Variants in KIZ observed in about 807,000 individuals in gnomAD.
KIZ encodes kizuna centrosomal protein, also known as centrosomal protein kizuna.
A neutral mutation model predicts 79.6 loss-of-function variants in KIZ; 68 were observed. That is an observed-to-expected ratio of 0.85 (90% CI 0.70 to 1.05). The LOEUF is 1.05. KIZ is among the 50% of genes least tolerant of loss of function. KIZ has a pLI of 0.00. For missense variants in KIZ, 797 were observed against 800.4 expected, an observed-to-expected ratio of 1.00 and a Z score of 0.05; for synonymous variants, 280 against 281.8, an observed-to-expected ratio of 0.99 and a Z score of 0.06.
intron 7 of KIZ, among the ~76,000 whole-genome samples, chr20:21,214,276 A>G (rs1016681684): frequency 6.6e-6 from 1 of 152,132 alleles, no homozygotes; most frequent in South Asian, 2.1e-4. Context: ...TAACAAGCAG[A>G]AGAATATTTC....
chr20:21,147,684 G>A (rs1253014611), intron 4 of KIZ, among the ~76,000 whole-genome samples: 1 of 152,180 alleles, frequency 6.6e-6, no homozygotes, highest in Non-Finnish European at 1.5e-5. Context: ...TACCTTCAGA[G>A]TGCTTCTCAG....
intron 6 of KIZ, among the ~76,000 whole-genome samples, chr20:21,164,774 G>C (rs114522757): frequency 0.011 from 1,649 of 151,596 alleles, 32 homozygotes; most frequent in African/African-American, 0.038. Context: ...TTGGCATATA[G>C]TTTTCCAGTA....
rs11288900 is a variant in KIZ, at chr20:21,210,762, C to CT, written c.1447-3761dup. 9.0e-4 allele frequency among the ~76,000 whole-genome samples: 132 copies of CT among 146,038 alleles called. 1 individual carries two copies. Among genetic ancestry groups the CT allele is most frequent in the East Asian group, 5.3e-3 (27 of 5,058 alleles). ...TCTTTATGAAACTAGATACTATCAGCTTTTTTTTTTTTAGGGGCAGCAATT... is the reference window on the plus strand; with the variant it reads ...TCTTTATGAAACTAGATACTATCAGCTTTTTTTTTTTTTAGGGGCAGCAATT... On this transcript the variant is annotated intron_variant, in intron 7 of 12. Transcript: ENST00000619189.
intron 6 of KIZ, among the ~76,000 whole-genome samples, chr20:21,205,277 A>T (rs928260194): frequency 6.6e-6 from 1 of 152,204 alleles, no homozygotes; most frequent in Admixed American, 6.5e-5. Context: ...GTGTGCAGCA[A>T]AAGTTGAGAA....
Position 21,246,577 on chromosome 20 carries a change from C to A in KIZ, c.*1C>A. 1 of 1,562,144 alleles carries A rather than the reference C, an allele frequency of 6.4e-7. No individual in the cohort carries two copies. The highest frequency in any genetic ancestry group is 8.8e-7 in the Non-Finnish European group (1 of 1,135,542). ...TGATTCTGATGATTTTTATGACTAACGTGCTGTGACATTGGTTTCAAATAA... is the reference window on the plus strand; with the variant it reads ...TGATTCTGATGATTTTTATGACTAAAGTGCTGTGACATTGGTTTCAAATAA... On this transcript the variant is annotated 3_prime_UTR_variant, in exon 13 of 13. Transcript: ENST00000619189.
At chr20:21,162,565 A>G in intron 5 of KIZ, 58 bp downstream of exon 5, 3 of 1,310,492 alleles carry the variant, frequency 2.3e-6, no homozygotes, top group Non-Finnish European at 3.2e-6. Context: ...GATCTTATGT[A>G]AGGACAAAAT....
At chr20:21,140,578 G>T (rs1015377093) in intron 3 of KIZ, among the ~76,000 whole-genome samples, 1 of 152,080 alleles carries the variant, frequency 6.6e-6, no homozygotes, top group Non-Finnish European at 1.5e-5. Context: ...TAATTTTCAG[G>T]GCTTTTAAAG....
At chr20:21,239,400 TG>T (rs766079494) in intron 11 of KIZ, among the ~76,000 whole-genome samples, 4 of 152,244 alleles carry the variant, frequency 2.6e-5, no homozygotes, top group Non-Finnish European at 4.4e-5. Flanking sequence ...AGGAGCATTT[TG>T]TTCCACTTTT....
At chr20:21,229,360 G>A (rs936459669) in intron 10 of KIZ, among the ~76,000 whole-genome samples, 7 of 152,214 alleles carry the variant, frequency 4.6e-5, no homozygotes, top group East Asian at 3.9e-4. Flanking sequence ...ATTCTGCCAA[G>A]CATGTCATGA....
At chr20:21,169,176 C>T (rs1176185173) in intron 6 of KIZ, among the ~76,000 whole-genome samples, 1 of 152,072 alleles carries the variant, frequency 6.6e-6, no homozygotes, top group Non-Finnish European at 1.5e-5. Context: ...ATTTTTGCAA[C>T]CTACTCATCT....
intron 11 of KIZ, among the ~76,000 whole-genome samples, chr20:21,243,359 A>G (rs549993016): frequency 1.1e-4 from 17 of 152,216 alleles, no homozygotes; most frequent in Admixed American, 3.9e-4. Flanking sequence ...CCAAAAGTCA[A>G]CCACACTTGG....
intron 11 of KIZ, among the ~76,000 whole-genome samples, chr20:21,243,694 C>T (rs533605055): frequency 5.3e-5 from 8 of 152,172 alleles, no homozygotes; most frequent in Non-Finnish European, 8.8e-5. Context: ...CGGTCCTGGA[C>T]GCCACGAACA....
At chr20:21,155,292 TAAAC>T (rs1168658983) in intron 4 of KIZ, among the ~76,000 whole-genome samples, 8 of 152,026 alleles carry the variant, frequency 5.3e-5, no homozygotes, top group East Asian at 1.9e-4. Flanking sequence ...GATGAATGGA[TAAAC>T]AAACTACAGT....
At chr20:21,179,978 C>T (rs1251788315) in intron 6 of KIZ, among the ~76,000 whole-genome samples, 2 of 152,166 alleles carry the variant, frequency 1.3e-5, no homozygotes, top group African/African-American at 2.4e-5. Flanking sequence ...TAAGCTAACA[C>T]GTGATCTGTT....
At chr20:21,176,322 C>T (rs1180952076) in intron 6 of KIZ, among the ~76,000 whole-genome samples, 2 of 151,826 alleles carry the variant, frequency 1.3e-5, no homozygotes, top group South Asian at 2.1e-4. Flanking sequence ...ATCAGTCAAT[C>T]AATCAATCAA....
At chr20:21,245,312 G>A (rs1312280276) in intron 12 of KIZ, 7 of 152,138 alleles carry the variant, frequency 4.6e-5, no homozygotes, top group Admixed American at 4.6e-4. Context: ...GCTACCTACT[G>A]TGGGGGAGAC....
intron 11 of KIZ, 128 bp from the exon 12 acceptor site, chr20:21,244,117 T>C: frequency 1.4e-6 from 1 of 708,608 alleles, no homozygotes; most frequent in African/African-American, 1.8e-5. Context: ...TTTTAAACTC[T>C]GGGAAGTAAG....
rs1016734891 is a variant in KIZ, at chr20:21,175,939, G to T, written c.1352+12780G>T. Among the ~76,000 whole-genome samples the T allele has an allele frequency of 4.6e-5, 7 of 152,092 alleles. No individual in the cohort carries two copies. The South Asian group carries it at 6.2e-4, about 13-fold the overall frequency. On this transcript the variant is annotated intron_variant, in intron 6 of 12. Coordinates refer to ENST00000619189, the MANE Select transcript of KIZ (RefSeq NM_018474.6). ...GCTGAGTTGGGAGAATCACTTAAAT[G>T]CAGGAGGTGGAGGTTGCTGTGAGCT...
chr20:21,241,236 G>A (rs1003198505), intron 11 of KIZ, among the ~76,000 whole-genome samples: 2 of 152,098 alleles, frequency 1.3e-5, no homozygotes, highest in Non-Finnish European at 2.9e-5. Flanking sequence ...TACATATTAG[G>A]TATGACCTAG....
Sources: allele counts gnomAD v4.1 joint callset (sites outside exome capture counted in the v4.1 genomes callset), GRCh38; gene constraint gnomAD v4.1.1; transcripts MANE v1.5; gene names NCBI Gene and HGNC (gene_info 2026-07-23, HGNC 2026-07-21).